Variants in PRMT5 observed in about 807,000 individuals in gnomAD.
PRMT5 encodes protein arginine methyltransferase 5, also known as protein arginine N-methyltransferase 5.
PRMT5 carries 15 observed loss-of-function variants against 84.0 expected under a neutral mutation model. The ratio of observed to expected loss-of-function variants is 0.18; its 90% CI spans 0.12 to 0.28. The LOEUF (loss-of-function observed/expected upper bound fraction) is 0.28. Ranked by LOEUF, PRMT5 falls within the 10% of genes least tolerant of loss-of-function variation. The probability of loss-of-function intolerance (pLI) is 1.00; values close to 1 mark genes in which losing one functional copy is unlikely to be tolerated. For missense variants in PRMT5, 486 were observed against 808.0 expected, an observed-to-expected ratio of 0.60 and a Z score of 4.83; for synonymous variants, 276 against 292.4, an observed-to-expected ratio of 0.94 and a Z score of 0.57.
In PRMT5 at chr14:22,924,161, C is replaced by T. The variant is rs767901832; in HGVS notation, c.1222G>A (p.Glu408Lys). 3.1e-6 allele frequency: 5 copies of T among 1,610,768 alleles called. No homozygotes were observed. The highest frequency in any genetic ancestry group is 4.2e-6 in the Non-Finnish European group (5 of 1,178,304). Residue 408 changes from glutamate to lysine, a missense_variant, in exon 12 of 17, where the codon GAA becomes AAA. Physicochemically the swap from Glu to Lys is moderately conservative, Grantham distance 56 (BLOSUM62 1). Coordinates refer to ENST00000324366, the MANE Select transcript of PRMT5 (RefSeq NM_006109.5). The surrounding 1 kb of genome is among the most constrained non-coding windows in gnomAD (Gnocchi z 6.5). ...VVTLENWQFE[E>K]WGSQVTVVSS... ...ACTACGGTCACTTGGCTTCCCCATTCTTCAAACTGCCAGTTCTCTAGCCTG... is the reference window on the plus strand; with the variant it reads ...ACTACGGTCACTTGGCTTCCCCATTTTTCAAACTGCCAGTTCTCTAGCCTG...
intron 6 of PRMT5, 100 bp from the exon 7 acceptor site, chr14:22,926,396 T>C: frequency 6.3e-7 from 1 of 1,590,922 alleles, no homozygotes; most frequent in Non-Finnish European, 8.6e-7. Flanking sequence ...AGAAAGCCAG[T>C]CTGAGACAGA....
chr14:22,925,106 G>A (rs2044387954), intron 7 of PRMT5, 66 bp from the exon 8 acceptor site: 1 of 1,541,294 alleles, frequency 6.5e-7, no homozygotes, highest in South Asian at 1.2e-5. Context: ...TATGGTATAT[G>A]GCCAAAGAGC....
chr14:22,929,159 C>G lies in PRMT5; in HGVS notation c.110+93G>C, dbSNP rs1594524096. ...CTCTCCCCTCCTCATCCTAGCCGAC[C>G]CCCTCACCCCTGCTTCTCCGGGATG... On this transcript the variant is annotated intron_variant, in intron 1 of 16. Transcript: ENST00000324366. The G allele has an allele frequency of 6.8e-6, 11 of 1,613,778 alleles. No homozygotes were observed. In the East Asian group the frequency reaches 2.5e-4, roughly 36 times the overall value.
At chr14:22,922,869 G>A (rs756804171) in intron 13 of PRMT5, 34 bp from the exon 14 acceptor site, 2 of 1,591,858 alleles carry the variant, frequency 1.3e-6, no homozygotes, top group Non-Finnish European at 1.7e-6. Context: ...AGAGTGTTGG[G>A]GAAGACACAC....
At position 22,920,609 on chromosome 14, in the gene PRMT5, C is replaced by T. The variant is rs992566545; in HGVS notation, c.*295G>A. 9 of 607,220 alleles carry T rather than the reference C, an allele frequency of 1.5e-5. No homozygotes were observed. Among genetic ancestry groups the T allele is most frequent in the African/African-American group, 1.3e-4 (7 of 54,436 alleles). 37.6% of individuals were successfully genotyped at this position (607,220 alleles called of 1,614,324 possible). On this transcript the variant is annotated 3_prime_UTR_variant, in exon 17 of 17. Coordinates refer to ENST00000324366, the MANE Select transcript of PRMT5 (RefSeq NM_006109.5). ...CAAGAACAGAAAAAGGCTGAAAATC[C>T]GTTCAAACCCCATGTTCTCAGGGAT... is the stretch of plus-strand genomic sequence containing the variant.
chr14:22,923,150 C>G lies in PRMT5; in HGVS notation c.1386G>C (p.Val462=), dbSNP rs749504810. The G allele has an allele frequency of 6.2e-7, 1 of 1,610,464 alleles. No individual in the cohort carries two copies. The highest frequency in any genetic ancestry group is 8.5e-7 in the Non-Finnish European group (1 of 1,178,130). ...GAQHFLKDDG[V]SIPGEYTSFL... is the part of the protein sequence containing the mutation. ...AGGAAGTGTACTCCCCGGGGATGCT[C>G]ACACCATCATCTGCACAGCAGGAGA... The change falls in exon 13 of 17, where the codon GTG becomes GTC. Residue 462 remains valine (V), a synonymous_variant. Coordinates refer to ENST00000324366, the MANE Select transcript of PRMT5 (RefSeq NM_006109.5). This position sits in a 1 kb window ranked among gnomAD's most constrained non-coding sequence, Gnocchi z 5.2.
chr14:22,922,645 A>T, intron 14 of PRMT5, 86 bp from the exon 15 acceptor site: 7 of 1,513,910 alleles, frequency 4.6e-6, no homozygotes, highest in Non-Finnish European at 6.4e-6. Flanking sequence ...GGAAAGGAAG[A>T]GTAGATAAGG....
At position 22,920,806 on chromosome 14, in the gene PRMT5, GC is replaced by G; in HGVS notation, c.*97del. 6.6e-7 allele frequency: 1 copy of G among 1,519,172 alleles called. No individual in the cohort carries two copies. The highest frequency in any genetic ancestry group is 2.3e-5 in the East Asian group (1 of 44,396). The allele number at this position is 1,519,172 out of a possible 1,614,324, so 94.1% of individuals were successfully genotyped here. A position where few individuals can be genotyped will look rare whatever the true frequency, so the allele number is the denominator to read the frequency against. On this transcript the variant is annotated 3_prime_UTR_variant, in exon 17 of 17. Transcript: ENST00000324366. ...AGATTGAAATGCTCCTCTCTGATGGGCAAGGGGAATCACAGCCCATAGATGT... is the reference window on the plus strand; with the variant it reads ...AGATTGAAATGCTCCTCTCTGATGGGAAGGGGAATCACAGCCCATAGATGT...
chr14:22,924,187 A>C lies in PRMT5; in HGVS notation c.1200-4T>G. On this transcript the variant is annotated splice_region_variant and splice_polypyrimidine_tract_variant and intron_variant, in intron 11 of 16. Transcript: ENST00000324366. This position sits in a 1 kb window ranked among gnomAD's most constrained non-coding sequence, Gnocchi z 6.5. ...TTCAAACTGCCAGTTCTCTAGCCTG[A>C]AACAGAGACAATAAGGTAAGGAGAG... The C allele has an allele frequency of 6.2e-7, 1 of 1,610,382 alleles. No homozygotes were observed. The highest frequency in any genetic ancestry group is 8.5e-7 in the Non-Finnish European group (1 of 1,177,784).
At chr14:22,929,006 C>T (rs2044487922) in intron 1 of PRMT5, 1 of 858,940 alleles carries the variant, frequency 1.2e-6, no homozygotes, top group Non-Finnish European at 1.8e-6. Flanking sequence ...ATAATCGCGA[C>T]CTCCAGGGCC....
Position 22,924,267 on chromosome 14 carries a change from C to T in PRMT5, c.1199+3G>A. On this transcript the variant is annotated splice_donor_region_variant and intron_variant, in intron 11 of 16. Coordinates refer to ENST00000324366, the MANE Select transcript of PRMT5 (RefSeq NM_006109.5). This position sits in a 1 kb window ranked among gnomAD's most constrained non-coding sequence, Gnocchi z 6.5. ...ACTTCCCAGCAAGCAGGTTGCTACT[C>T]ACGTCACCACGGCATTTGGGTTTTT... 1 of 1,613,990 alleles carries T rather than the reference C, an allele frequency of 6.2e-7. No homozygotes were observed. The highest frequency in any genetic ancestry group is 1.1e-5 in the South Asian group (1 of 91,074).
intron 3 of PRMT5, 151 bp downstream of exon 3, chr14:22,927,975 C>T: frequency 1.3e-6 from 1 of 747,354 alleles, no homozygotes; most frequent in African/African-American, 1.8e-5. Flanking sequence ...TCCCAAAGTG[C>T]TAGGATTATA....
chr14:22,926,883 TA>T (rs909361209), intron 4 of PRMT5, 69 bp from the exon 5 acceptor site: 16 of 1,094,538 alleles, frequency 1.5e-5, no homozygotes, highest in Non-Finnish European at 2.2e-5. Flanking sequence ...TTTCCCTCAA[TA>T]AAAAAAACTT....
chr14:22,929,016 C>T (rs2044488405), intron 1 of PRMT5: 1 of 962,156 alleles, frequency 1.0e-6, no homozygotes, highest in South Asian at 1.6e-5. Context: ...CCTCCAGGGC[C>T]CTTTAGAGTT....
chr14:22,922,106 G>T, intron 16 of PRMT5, 70 bp downstream of exon 16: 1 of 1,314,942 alleles, frequency 7.6e-7, no homozygotes, highest in Non-Finnish European at 1.1e-6. Context: ...CTTCCTGGGA[G>T]AAGGAAAGAA....
intron 5 of PRMT5, 56 bp downstream of exon 5, chr14:22,926,646 G>A: frequency 1.2e-6 from 2 of 1,600,958 alleles, no homozygotes; most frequent in South Asian, 1.1e-5. Flanking sequence ...GTTGCACCCT[G>A]TACTTCCCCT....
At position 22,928,233 on chromosome 14, in the gene PRMT5, A is replaced by T; in HGVS notation, c.230-22T>A. 3 of 1,608,636 alleles carry T rather than the reference A, an allele frequency of 1.9e-6. No homozygotes were observed. The highest frequency in any genetic ancestry group is 2.6e-6 in the Non-Finnish European group (3 of 1,175,304). ...CAGTCTGCACTCCCCCACCCAAGAA[A>T]GACAAATACTGAATAAGGTTCAGCA... On this transcript the variant is annotated intron_variant, in intron 2 of 16. Coordinates refer to ENST00000324366, the MANE Select transcript of PRMT5 (RefSeq NM_006109.5). This position sits in a 1 kb window ranked among gnomAD's most constrained non-coding sequence, Gnocchi z 4.8.
intron 14 of PRMT5, 39 bp downstream of exon 14, chr14:22,922,703 G>A (rs752141780): frequency 8.4e-5 from 133 of 1,586,666 alleles, no homozygotes; most frequent in Middle Eastern, 1.7e-4. Context: ...GAAGAAGCCC[G>A]TACCCCTCTA....
chr14:22,929,221 C>T (rs1341706334), intron 1 of PRMT5, 31 bp downstream of exon 1: 2 of 1,614,110 alleles, frequency 1.2e-6, no homozygotes, highest in South Asian at 2.2e-5. Flanking sequence ...GTTCGGACCC[C>T]GCATTCCGCT....
Sources: gnomAD v4.1 joint callset for allele counts on GRCh38, gnomAD v4.1.1 for gene constraint, Gnocchi (gnomAD v3.1) non-coding constraint, MANE v1.5 for transcripts, NCBI Gene and HGNC (gene_info 2026-07-23, HGNC 2026-07-21) for gene names.